TNRC6A: variants seen among roughly 807,000 people sequenced by gnomAD.
The protein encoded by TNRC6A is trinucleotide repeat containing adaptor 6A, also known as trinucleotide repeat-containing gene 6A protein.
A neutral mutation model predicts 221.2 loss-of-function variants in TNRC6A; 44 were observed. That is an observed-to-expected ratio of 0.20 (90% CI 0.16 to 0.26). TNRC6A has a LOEUF of 0.26. TNRC6A is among the 10% of genes least tolerant of loss of function. The probability of loss-of-function intolerance (pLI) is 1.00; values close to 1 mark genes in which losing one functional copy is unlikely to be tolerated. For missense variants in TNRC6A, 2,199 were observed against 2,404.4 expected (o/e 0.91, Z 1.79); for synonymous variants, 847 against 838.5 (o/e 1.01, Z -0.18).
intron 2 of TNRC6A, among the ~76,000 whole-genome samples, chr16:24,658,385 TCTCA>T: frequency 6.6e-6 from 1 of 152,176 alleles, no homozygotes; most frequent in South Asian, 2.1e-4. Context: ...TGAGGCAGAG[TCTCA>T]CTCACTCTGT....
chr16:24,786,892 A>G (rs2057984538), intron 5 of TNRC6A, among the ~76,000 whole-genome samples: 1 of 152,194 alleles, frequency 6.6e-6, no homozygotes, highest in South Asian at 2.1e-4. Context: ...CATGTTGGCC[A>G]GGATGGTCTC....
chr16:24,724,057 T>G (rs970339303), intron 2 of TNRC6A, among the ~76,000 whole-genome samples: 2 of 152,248 alleles, frequency 1.3e-5, no homozygotes, highest in Admixed American at 1.3e-4. Context: ...ATCAGAGATG[T>G]CAATATGTAT....
chr16:24,782,416 A>G (rs1423545433), intron 5 of TNRC6A, among the ~76,000 whole-genome samples: 1 of 152,096 alleles, frequency 6.6e-6, no homozygotes, highest in South Asian at 2.1e-4. Flanking sequence ...ATTCATTTAC[A>G]TGTCGTCTGG....
chr16:24,690,019 AAAAAAAAAT>A (rs1455247666), intron 2 of TNRC6A, among the ~76,000 whole-genome samples: 21 of 52,764 alleles, frequency 4.0e-4, no homozygotes, highest in African/African-American at 1.3e-3. Context: ...AAAAAAAAAA[AAAAAAAAAT>A]TTTTTTTTTT....
At chr16:24,724,693 G>A (rs55937937), upstream of TNRC6A, among the ~76,000 whole-genome samples, 7,618 of 152,178 alleles carry the variant, frequency 0.05, 295 homozygotes, top group Middle Eastern at 0.078. Context: ...GCAGTGAGCC[G>A]AGATCGTGCC....
intron 2 of TNRC6A, among the ~76,000 whole-genome samples, chr16:24,695,047 G>T (rs977577412): frequency 1.3e-5 from 2 of 152,174 alleles, no homozygotes; most frequent in African/African-American, 4.8e-5. Flanking sequence ...ATTTGATTCA[G>T]AAAACCCACA....
chr16:24,611,738 A>C (rs184475036), intron 1 of TNRC6A, among the ~76,000 whole-genome samples: 14 of 152,282 alleles, frequency 9.2e-5, no homozygotes, highest in Admixed American at 9.2e-4. Flanking sequence ...AGAAATAACA[A>C]GTCTTGCAGA....
At chr16:24,738,308 A>G (rs989370627) in intron 2 of TNRC6A, among the ~76,000 whole-genome samples, 20 of 152,206 alleles carry the variant, frequency 1.3e-4, no homozygotes, top group African/African-American at 4.3e-4. Flanking sequence ...CCCATATGAT[A>G]AAATTCACCC....
At chr16:24,709,757 C>T (rs1177340398) in intron 2 of TNRC6A, among the ~76,000 whole-genome samples, 3 of 140,762 alleles carry the variant, frequency 2.1e-5, no homozygotes, top group African/African-American at 5.4e-5. Context: ...CCCAGGAGGT[C>T]GAGACTGCAG....
chr16:24,730,140 C>CG, intron 1 of TNRC6A, 113 bp from the exon 2 acceptor site: 1 of 1,054,882 alleles, frequency 9.5e-7, no homozygotes, highest in Non-Finnish European at 1.3e-6. Context: ...GTCCTCTCCC[C>CG]TCCCCCATCC....
chr16:24,793,318 A>G (rs1307944969), intron 6 of TNRC6A, 155 bp from the exon 7 acceptor site: 3 of 451,714 alleles, frequency 6.6e-6, no homozygotes, highest in Non-Finnish European at 1.1e-5. Flanking sequence ...TTAACATAAA[A>G]CAGATGCCAT....
chr16:24,685,964 A>T (rs2055617929), intron 2 of TNRC6A, among the ~76,000 whole-genome samples: 1 of 151,952 alleles, frequency 6.6e-6, no homozygotes, highest in South Asian at 2.1e-4. Context: ...GGTTGGCATG[A>T]CCCCTAGAAC....
At chr16:24,782,114 G>A (rs555947361) in intron 5 of TNRC6A, among the ~76,000 whole-genome samples, 3 of 152,222 alleles carry the variant, frequency 2.0e-5, no homozygotes, top group Non-Finnish European at 2.9e-5. Context: ...GAGCCACCGC[G>A]CCCGGCCAAT....
intron 2 of TNRC6A, among the ~76,000 whole-genome samples, chr16:24,696,303 G>A (rs945527296): frequency 8.9e-5 from 13 of 146,854 alleles, no homozygotes; most frequent in African/African-American, 2.8e-4. Flanking sequence ...AGCCCAGATC[G>A]CGCCACTGCA....
chr16:24,619,755 G>A (rs17831122), intron 1 of TNRC6A, among the ~76,000 whole-genome samples: 9,249 of 152,202 alleles, frequency 0.061, 356 homozygotes, highest in African/African-American at 0.095. Context: ...ACGGGTACAG[G>A]GAGGAAAGGT....
At chr16:24,755,574 A>G (rs982039708) in intron 3 of TNRC6A, among the ~76,000 whole-genome samples, 1 of 152,256 alleles carries the variant, frequency 6.6e-6, no homozygotes, top group South Asian at 2.1e-4. Flanking sequence ...AGAGAAGTTA[A>G]CACATTTGAC....
intron 2 of TNRC6A, among the ~76,000 whole-genome samples, chr16:24,719,037 CA>C (rs1197000057): frequency 2.5e-3 from 219 of 85,902 alleles, no homozygotes; most frequent in Non-Finnish European, 2.8e-3. Flanking sequence ...ACTCTGTCTC[CA>C]AAAAAAAAAA....
intron 8 of TNRC6A, 32 bp downstream of exon 8, chr16:24,794,751 T>A: frequency 1.3e-6 from 2 of 1,570,334 alleles, no homozygotes; most frequent in Non-Finnish European, 1.7e-6. Context: ...CCCTTGAAAC[T>A]TTAAATTCCA....
At chr16:24,687,940 TTTTCTTTTCTTTTC>T (rs370831185) in intron 2 of TNRC6A, among the ~76,000 whole-genome samples, 2,914 of 130,576 alleles carry the variant, frequency 0.022, 81 homozygotes, top group African/African-American at 0.056. Context: ...TTTTCTTTTC[TTTTCTTTTCTTTTC>T]TTTTTTTTTT....
Sources: gnomAD v4.1 joint callset for allele counts (sites outside exome capture counted in the v4.1 genomes callset) on GRCh38, gnomAD v4.1.1 for gene constraint, MANE v1.5 for transcripts, NCBI Gene and HGNC (gene_info 2026-07-23, HGNC 2026-07-21) for gene names.